Variants in SESN1 observed in about 807,000 individuals in gnomAD.
SESN1 encodes the protein sestrin-1.
A neutral mutation model predicts 59.3 loss-of-function variants in SESN1; 30 were observed. That is an observed-to-expected ratio of 0.51 (90% confidence interval 0.38 to 0.69). SESN1 has a LOEUF of 0.69. SESN1 is among the 30% of genes least tolerant of loss of function. SESN1 has a pLI of 0.00. For missense variants in SESN1, 566 were observed against 673.0 expected (o/e 0.84, Z 1.76); for synonymous variants, 197 against 219.9 (o/e 0.90, Z 0.92).
rs142177468 is a variant in SESN1 at position 109,022,483 on chromosome 6, C to T, written c.280-20140G>A. 4.8e-3 allele frequency among the ~76,000 whole-genome samples: 600 copies of T among 125,278 alleles called. 3 individuals carry two copies. The highest frequency in any genetic ancestry group is 0.018 in the African/African-American group (578 of 32,314). The allele number at this position is 125,278 out of a possible 152,430, so 82.2% of individuals were successfully genotyped here. A position where few individuals can be genotyped will look rare whatever the true frequency, so the allele number is the denominator to read the frequency against. On this transcript the variant is annotated intron_variant, in intron 1 of 9. Transcript: ENST00000436639. Reference sequence around the variant, plus strand: ...TGTTGCCCAGGCTGGAGTGCAGTGGCGCGATCTCGGCTCATTGCAAGCTCC... The same window carrying T: ...TGTTGCCCAGGCTGGAGTGCAGTGGTGCGATCTCGGCTCATTGCAAGCTCC...
At chr6:109,009,930 C>A (rs1298619907) in intron 1 of SESN1, among the ~76,000 whole-genome samples, 1 of 152,082 alleles carries the variant, frequency 6.6e-6, no homozygotes, top group African/African-American at 2.4e-5. Context: ...TCTGACAGCA[C>A]CAGGAGTAAT....
At chr6:109,086,063 A>C (rs1781208458) in intron 1 of SESN1, among the ~76,000 whole-genome samples, 1 of 152,234 alleles carries the variant, frequency 6.6e-6, no homozygotes, top group Non-Finnish European at 1.5e-5. Context: ...TAAGTGATTA[A>C]GAATCCTGTA....
chr6:109,084,409 C>T (rs1482355641), intron 1 of SESN1, among the ~76,000 whole-genome samples: 1 of 152,018 alleles, frequency 6.6e-6, no homozygotes, highest in East Asian at 1.9e-4. Context: ...AAAAATATAG[C>T]CGGGCATCGT....
chr6:109,092,315 G>A (rs1781328023), intron 1 of SESN1, among the ~76,000 whole-genome samples: 2 of 152,206 alleles, frequency 1.3e-5, no homozygotes, highest in African/African-American at 4.8e-5. Context: ...CAAGGTTACA[G>A]GCAAGGACAT....
chr6:108,993,430 G>A (rs972790831), intron 6 of SESN1, among the ~76,000 whole-genome samples: 2 of 152,094 alleles, frequency 1.3e-5, no homozygotes, highest in Non-Finnish European at 2.9e-5. Context: ...TTTCATGTAA[G>A]TGTATCATTA....
chr6:108,986,207 A>AAAAC lies in SESN1; in HGVS notation c.*1333_*1336dup, dbSNP rs564902507. ...ATTCTTAAAATTCTATTGGAACTCT[A>AAAAC]AAACAGTTGAAAAGAGAGCAGGCAT... On this transcript the variant is annotated 3_prime_UTR_variant, in exon 10 of 10. Coordinates refer to ENST00000436639, the MANE Select transcript of SESN1 (RefSeq NM_014454.3). Among the ~76,000 whole-genome samples the AAAAC allele has an allele frequency of 1.6e-3, 247 of 152,318 alleles. No homozygotes were observed. Among genetic ancestry groups the AAAAC allele is most frequent in the African/African-American group, 5.6e-3 (234 of 41,576 alleles).
At chr6:109,092,989 T>C (rs1444489860) in intron 1 of SESN1, among the ~76,000 whole-genome samples, 1 of 152,146 alleles carries the variant, frequency 6.6e-6, no homozygotes, top group Non-Finnish European at 1.5e-5. Context: ...CACACGTGGA[T>C]TGAGAAATGT....
intron 6 of SESN1, 185 bp from the exon 7 acceptor site, chr6:108,993,084 TTC>T: frequency 1.9e-6 from 1 of 527,520 alleles, no homozygotes; most frequent in South Asian, 2.6e-5. Context: ...AAAGGAGATT[TTC>T]TGTTATAAAA....
intron 1 of SESN1, chr6:109,008,823 G>A: frequency 1.0e-6 from 1 of 985,540 alleles, no homozygotes; most frequent in Non-Finnish European, 1.2e-6. Context: ...ACGTCATAGA[G>A]CTTGCAGGAC....
At chr6:109,013,264 A>C (rs1779888182) in intron 1 of SESN1, among the ~76,000 whole-genome samples, 1 of 152,178 alleles carries the variant, frequency 6.6e-6, no homozygotes, top group Non-Finnish European at 1.5e-5. Flanking sequence ...GCAAGGGGCA[A>C]AACTAGGGGC....
In SESN1 at chr6:108,998,463, G is replaced by A. The variant is rs778201562; in HGVS notation, c.972+50C>T. ...AGCCAACTGAAGAAATAATATAACA[G>A]CAATTATTGTGATTAGTTTTATGAC... is the stretch of plus-strand genomic sequence containing the variant. On this transcript the variant is annotated intron_variant, in intron 5 of 9. Coordinates refer to ENST00000436639, the MANE Select transcript of SESN1 (RefSeq NM_014454.3). 1.1e-5 allele frequency: 17 copies of A among 1,599,786 alleles called. No homozygotes were observed. In the African/African-American group the frequency reaches 1.2e-4, roughly 11 times the overall value.
At chr6:109,034,607 T>C (rs963623473) in intron 1 of SESN1, among the ~76,000 whole-genome samples, 2 of 152,212 alleles carry the variant, frequency 1.3e-5, no homozygotes, top group Admixed American at 6.5e-5. Context: ...ATGAAGACCA[T>C]ATTATCCAGC....
At chr6:109,033,135 G>A (rs1197432724) in intron 1 of SESN1, among the ~76,000 whole-genome samples, 1 of 152,118 alleles carries the variant, frequency 6.6e-6, no homozygotes, top group Non-Finnish European at 1.5e-5. Flanking sequence ...GTGTTGAGGT[G>A]TGATTTTAGA....
At position 109,001,426 on chromosome 6, in the gene SESN1, A is replaced by G; in HGVS notation, c.408T>C (p.Ala136=). ...MHALFADSFA[A]LGRLDNITLV... is the part of the protein sequence containing the mutation. ...ACGTAATGTTATCCAAACGGCCCAA[A>G]GCAGCAAAAGAATCTGCAAATAAAG... The change falls in exon 3 of 10, where the codon GCT becomes GCC. Residue 136 remains alanine, a synonymous_variant. Coordinates refer to ENST00000436639, the MANE Select transcript of SESN1 (RefSeq NM_014454.3). 2 of 1,613,940 alleles carry G rather than the reference A, an allele frequency of 1.2e-6. No homozygotes were observed. Among genetic ancestry groups the G allele is most frequent in the Non-Finnish European group, 1.7e-6 (2 of 1,179,838 alleles).
rs9717567 is a variant in SESN1 at position 109,046,476 on chromosome 6, C to G, written c.280-44133G>C. ...CGCCTGCCTTGGCCTCCCAAAGTGCCGAGATTGCAGCCTCTGCCCGGCCGC... is the reference window on the plus strand; with the variant it reads ...CGCCTGCCTTGGCCTCCCAAAGTGCGGAGATTGCAGCCTCTGCCCGGCCGC... On this transcript the variant is annotated intron_variant, in intron 1 of 9. Transcript: ENST00000436639. 2.7e-5 allele frequency among the ~76,000 whole-genome samples: 4 copies of G among 148,802 alleles called. No individual in the cohort carries two copies. In the South Asian group the frequency reaches 6.7e-4, roughly 25 times the overall value.
intron 1 of SESN1, among the ~76,000 whole-genome samples, chr6:109,075,795 C>T (rs747398119): frequency 1.3e-5 from 2 of 151,994 alleles, no homozygotes; most frequent in Non-Finnish European, 2.9e-5. Flanking sequence ...TTTAAACTAC[C>T]AAATTTGTAA....
chr6:109,016,920 T>C (rs887434590), intron 1 of SESN1, among the ~76,000 whole-genome samples: 1 of 152,162 alleles, frequency 6.6e-6, no homozygotes, highest in Non-Finnish European at 1.5e-5. Flanking sequence ...TTTATTCAGA[T>C]GATATAAATT....
chr6:109,094,212 TTGGAACCAC>T lies in SESN1; in HGVS notation c.-148_-140del. ...ATGAAAACACACATCTGGGTGACAT[TTGGAACCAC>T]TGGTGCCTTCAGCCGATCTACAAGC... On this transcript the variant is annotated 5_prime_UTR_variant, in exon 1 of 10. Coordinates refer to ENST00000436639, the MANE Select transcript of SESN1 (RefSeq NM_014454.3). 1 of 918,682 alleles carries T rather than the reference TTGGAACCAC, an allele frequency of 1.1e-6. No individual in the cohort carries two copies. The highest frequency in any genetic ancestry group is 1.7e-5 in the South Asian group (1 of 58,596). The allele number at this position is 918,682 out of a possible 1,614,324, so 56.9% of individuals were successfully genotyped here.
rs146385768 is a variant in SESN1 at position 109,055,124 on chromosome 6, G to A, written c.279+38671C>T. Among the ~76,000 whole-genome samples the A allele has an allele frequency of 4.0e-3, 613 of 152,254 alleles. 7 individuals are homozygous for A. Among genetic ancestry groups the A allele is most frequent in the Non-Finnish European group, 6.0e-3 (406 of 68,012 alleles). On this transcript the variant is annotated intron_variant, in intron 1 of 9. Coordinates refer to ENST00000436639, the MANE Select transcript of SESN1 (RefSeq NM_014454.3). ...CTCACCTCTACCTGCTAATAGCTGT[G>A]TGCTTCTCCTTCCTGAAGACAGAAT...
Sources: allele counts gnomAD v4.1 joint callset (sites outside exome capture counted in the v4.1 genomes callset), GRCh38; gene constraint gnomAD v4.1.1; transcripts MANE v1.5; gene names NCBI Gene and HGNC (gene_info 2026-07-23, HGNC 2026-07-21).